SND1: variants seen among roughly 807,000 people sequenced by gnomAD.
SND1 encodes the protein staphylococcal nuclease domain-containing protein 1.
In SND1, 38 loss-of-function variants were observed where a neutral mutation model predicts 121.7. The observed-to-expected ratio is 0.31, with a 90% CI of 0.24 to 0.41. The LOEUF is 0.41. Ranked by LOEUF, SND1 falls within the 10% of genes least tolerant of loss-of-function variation. The pLI is 1.00. For synonymous variants in SND1, 401 were observed against 447.4 expected (o/e 0.90, Z 1.31); for missense variants, 868 against 1,184.6 (o/e 0.73, Z 3.92).
At chr7:128,056,577 T>C (rs1361554776) in intron 16 of SND1, among the ~76,000 whole-genome samples, 2 of 152,074 alleles carry the variant, frequency 1.3e-5, no homozygotes, top group African/African-American at 2.4e-5. Flanking sequence ...ATGCTAGGAG[T>C]TGGGACCACA....
intron 16 of SND1, among the ~76,000 whole-genome samples, chr7:128,067,939 G>T (rs1793344805): frequency 1.3e-5 from 2 of 151,808 alleles, no homozygotes; most frequent in African/African-American, 4.8e-5. Flanking sequence ...TAATTATTTT[G>T]CCCCCAGTGC....
chr7:128,039,222 C>T (rs1792806856), intron 16 of SND1, among the ~76,000 whole-genome samples: 2 of 152,206 alleles, frequency 1.3e-5, no homozygotes, highest in South Asian at 4.1e-4. Flanking sequence ...TATCACTCAG[C>T]TTTATTTTTC....
At chr7:127,848,885 T>C (rs573447052) in intron 12 of SND1, among the ~76,000 whole-genome samples, 2 of 152,202 alleles carry the variant, frequency 1.3e-5, no homozygotes, top group Non-Finnish European at 2.9e-5. Flanking sequence ...CATCACAGGA[T>C]GCTGGCAGGG....
chr7:127,822,821 T>C (rs1798574806), intron 11 of SND1, among the ~76,000 whole-genome samples: 1 of 152,244 alleles, frequency 6.6e-6, no homozygotes, highest in Non-Finnish European at 1.5e-5. Flanking sequence ...TTTAATATCA[T>C]TGAATGTTTA....
intron 16 of SND1, among the ~76,000 whole-genome samples, chr7:128,058,482 A>G (rs926746277): frequency 6.6e-6 from 1 of 152,236 alleles, no homozygotes; most frequent in Non-Finnish European, 1.5e-5. Flanking sequence ...CAGAGCTCTC[A>G]CTGGGTACCT....
At chr7:127,941,164 ATTTAC>A (rs1391473408) in intron 15 of SND1, among the ~76,000 whole-genome samples, 5 of 152,264 alleles carry the variant, frequency 3.3e-5, no homozygotes, top group African/African-American at 9.6e-5. Flanking sequence ...GCTTTTTCCA[ATTTAC>A]TTAAATGACC....
intron 10 of SND1, among the ~76,000 whole-genome samples, chr7:127,751,703 T>TG (rs1797099858): frequency 6.6e-6 from 1 of 152,240 alleles, no homozygotes; most frequent in Admixed American, 6.5e-5. Context: ...AGCAAATCTG[T>TG]GGGCTGGGCA....
chr7:127,652,260 G>A lies in SND1; in HGVS notation c.-114G>A. On this transcript the variant is annotated 5_prime_UTR_variant, in exon 1 of 24. Coordinates refer to ENST00000354725, the MANE Select transcript of SND1 (RefSeq NM_014390.4). ...GGCGAGTCCGTCCCGTCCACCGTCC[G>A]CAGCTGGTAGCCAGCCTGCCCCTCG... is the stretch of plus-strand genomic sequence containing the variant. 1.1e-6 allele frequency: 1 copy of A among 878,940 alleles called. No homozygotes were observed. Among genetic ancestry groups the A allele is most frequent in the Non-Finnish European group, 1.9e-6 (1 of 534,850 alleles). 54.4% of individuals were successfully genotyped at this position (878,940 alleles called of 1,614,324 possible).
intron 1 of SND1, among the ~76,000 whole-genome samples, chr7:127,679,953 A>T (rs1795686304): frequency 6.6e-6 from 1 of 152,144 alleles, no homozygotes; most frequent in South Asian, 2.1e-4. Context: ...GATATATACT[A>T]TCGGGGAACC....
At chr7:127,961,464 C>A (rs1273902488) in intron 15 of SND1, among the ~76,000 whole-genome samples, 1 of 152,140 alleles carries the variant, frequency 6.6e-6, no homozygotes, top group East Asian at 1.9e-4. Context: ...GATAGCACAA[C>A]AAATAAAATT....
chr7:127,992,351 A>G (rs1167261790), intron 16 of SND1, among the ~76,000 whole-genome samples: 1 of 152,184 alleles, frequency 6.6e-6, no homozygotes, highest in Non-Finnish European at 1.5e-5. Context: ...AAAAATCCAA[A>G]CACTCCAGTT....
chr7:127,887,691 G>A (rs1799938354), intron 12 of SND1, among the ~76,000 whole-genome samples: 1 of 150,500 alleles, frequency 6.6e-6, no homozygotes, highest in Non-Finnish European at 1.5e-5. Context: ...GCATCTGACT[G>A]TACTAACCAG....
At chr7:127,953,143 G>T (rs1801499885) in intron 15 of SND1, among the ~76,000 whole-genome samples, 1 of 147,394 alleles carries the variant, frequency 6.8e-6, no homozygotes, top group South Asian at 2.2e-4. Flanking sequence ...CAGCCTGGGT[G>T]ACAAGACCGT....
chr7:127,820,927 T>C (rs553674739), intron 11 of SND1, among the ~76,000 whole-genome samples: 2 of 152,324 alleles, frequency 1.3e-5, no homozygotes, highest in African/African-American at 4.8e-5. Context: ...TCTGTTCTTC[T>C]TCCAGCAGCA....
intron 11 of SND1, among the ~76,000 whole-genome samples, chr7:127,830,890 T>C (rs1428917526): frequency 1.3e-5 from 2 of 152,188 alleles, no homozygotes; most frequent in African/African-American, 4.8e-5. Context: ...TATATAGTTA[T>C]AAATGTATGA....
chr7:127,811,022 C>T (rs1380414122), intron 11 of SND1, among the ~76,000 whole-genome samples: 1 of 133,192 alleles, frequency 7.5e-6, no homozygotes, highest in Non-Finnish European at 1.7e-5. Context: ...ACTGTTCTAT[C>T]ATCAGAGACT....
At chr7:127,929,154 T>C (rs1180939853) in intron 14 of SND1, 34 bp from the exon 15 acceptor site, 18 of 1,610,764 alleles carry the variant, frequency 1.1e-5, no homozygotes, top group Non-Finnish European at 1.4e-5. Context: ...GTTTTATTAC[T>C]TTCCAGTTAC....
At chr7:127,734,754 G>C (rs1191621259) in intron 10 of SND1, among the ~76,000 whole-genome samples, 2 of 152,160 alleles carry the variant, frequency 1.3e-5, no homozygotes, top group East Asian at 3.9e-4. Context: ...TCCTTGTTCT[G>C]AGGCCTTACA....
chr7:127,987,422 T>C (rs1802419229), intron 15 of SND1, among the ~76,000 whole-genome samples: 2 of 152,222 alleles, frequency 1.3e-5, no homozygotes, highest in Admixed American at 6.5e-5. Flanking sequence ...GGGCACAGCA[T>C]AATAACTCTG....
Sources: gnomAD v4.1 joint callset for allele counts (sites outside exome capture counted in the v4.1 genomes callset) on GRCh38, gnomAD v4.1.1 for gene constraint, MANE v1.5 for transcripts, NCBI Gene and HGNC (gene_info 2026-07-23, HGNC 2026-07-21) for gene names.